WIF1: variants seen among roughly 807,000 people sequenced by gnomAD.
WIF1 encodes the protein Wnt inhibitory factor 1.
A neutral mutation model predicts 53.5 loss-of-function variants in WIF1; 35 were observed. The observed-to-expected ratio is 0.65, with a 90% CI of 0.50 to 0.87. WIF1 has a LOEUF of 0.87. Ranked by LOEUF, WIF1 falls within the 40% of genes least tolerant of loss-of-function variation. The pLI is 0.00. For synonymous variants in WIF1, 171 were observed against 170.4 expected, an observed-to-expected ratio of 1.00 and a Z score of -0.03; for missense variants, 467 against 476.8, an observed-to-expected ratio of 0.98 and a Z score of 0.19.
At chr12:65,105,685 A>T (rs1883341594) in intron 2 of WIF1, among the ~76,000 whole-genome samples, 1 of 152,164 alleles carries the variant, frequency 6.6e-6, no homozygotes, top group African/African-American at 2.4e-5. Context: ...AAACTAATCC[A>T]GTCTCACGAG....
In WIF1 at chr12:65,051,353, C is replaced by A. The variant is rs140474921; in HGVS notation, c.1136G>T (p.Trp379Leu). Reference sequence around the variant, plus strand: ...AAACGTTTCAGATGTCGGAGTTCACCAGATGTAATTGGATTCAGGTGGATC... The same window carrying A: ...AAACGTTTCAGATGTCGGAGTTCACAAGATGTAATTGGATTCAGGTGGATC... ...RRDPPESNYIW is the reference protein window; with the variant it reads ...RRDPPESNYIL The change falls in exon 10 of 10, where the codon TGG becomes TTG. Residue 379 changes from tryptophan (W) to leucine (L), a missense_variant. By Grantham distance (61) the Trp-to-Leu change is moderately conservative. Coordinates refer to ENST00000286574, the MANE Select transcript of WIF1 (RefSeq NM_007191.5). The A allele has an allele frequency of 1.0e-4, 166 of 1,612,500 alleles. No individual in the cohort carries two copies. The African/African-American group carries it at 1.8e-3, about 17-fold the overall frequency.
intron 6 of WIF1, among the ~76,000 whole-genome samples, chr12:65,066,118 G>A (rs930182501): frequency 2.6e-4 from 40 of 152,242 alleles, no homozygotes; most frequent in African/African-American, 8.4e-4. Flanking sequence ...TTGCACTCCC[G>A]TTATGTAATA....
rs1159600961 is a variant in WIF1 at position 65,094,836 on chromosome 12, G to A, written c.289-16982C>T. On this transcript the variant is annotated intron_variant, in intron 2 of 9. Coordinates refer to ENST00000286574, the MANE Select transcript of WIF1 (RefSeq NM_007191.5). ...CTTCCCTCCCACTCCCCACTCCATC[G>A]TCACCTTAGTGAGTTTTGTTACCTG... is the stretch of plus-strand genomic sequence containing the variant. Among the ~76,000 whole-genome samples the A allele has an allele frequency of 4.6e-5, 7 of 151,778 alleles. No individual in the cohort carries two copies. The East Asian group carries it at 7.7e-4, about 17-fold the overall frequency.
chr12:65,051,661 C>T (rs1031455497), intron 9 of WIF1, among the ~76,000 whole-genome samples, 191 bp from the exon 10 acceptor site: 2 of 152,156 alleles, frequency 1.3e-5, no homozygotes, highest in Non-Finnish European at 2.9e-5. Context: ...TCCATGAAAC[C>T]AGGTTTCCAT....
chr12:65,087,609 T>A (rs1320200915), intron 2 of WIF1, among the ~76,000 whole-genome samples: 2 of 152,128 alleles, frequency 1.3e-5, no homozygotes, highest in African/African-American at 4.8e-5. Flanking sequence ...CAGTATCAAC[T>A]TATTCTTTGA....
At chr12:65,075,023 A>C (rs1882840804) in intron 3 of WIF1, among the ~76,000 whole-genome samples, 1 of 151,966 alleles carries the variant, frequency 6.6e-6, no homozygotes, top group Non-Finnish European at 1.5e-5. Context: ...ATAGATACTC[A>C]CGTCCTTGGG....
At chr12:65,061,562 G>A (rs115029626) in intron 7 of WIF1, among the ~76,000 whole-genome samples, 2 of 152,178 alleles carry the variant, frequency 1.3e-5, no homozygotes, top group Non-Finnish European at 2.9e-5. Flanking sequence ...AAAGAGAGAG[G>A]CTACATGACT....
intron 7 of WIF1, among the ~76,000 whole-genome samples, chr12:65,057,930 T>C (rs1007697782): frequency 6.6e-6 from 1 of 152,216 alleles, no homozygotes. Flanking sequence ...TTAGTCATTG[T>C]GGAGACAATA....
Position 65,067,791 on chromosome 12 carries a change from C to T in WIF1, c.539-1G>A. On this transcript the variant is annotated splice_acceptor_variant, in intron 4 of 9. Transcript: ENST00000286574. LOFTEE classifies it high-confidence loss of function. ...TTTCGGCACCCGCCTGGGCACTCAG[C>T]TTCAGCAGAGAGAAACAAAGCTTAT... The T allele has an allele frequency of 6.2e-7, 1 of 1,612,888 alleles. No homozygotes were observed. Among genetic ancestry groups the T allele is most frequent in the Non-Finnish European group, 8.5e-7 (1 of 1,179,210 alleles).
At chr12:65,120,933 C>CTTTTGTGGAA in intron 1 of WIF1, 111 bp downstream of exon 1, 1 of 1,309,496 alleles carries the variant, frequency 7.6e-7, no homozygotes, top group Non-Finnish European at 9.9e-7. Flanking sequence ...GGGGAACACT[C>CTTTTGTGGAA]TTTTGTGGAA....
intron 7 of WIF1, 34 bp from the exon 8 acceptor site, chr12:65,056,160 C>G (rs374132736): frequency 4.4e-6 from 7 of 1,588,490 alleles, no homozygotes; most frequent in Admixed American, 1.7e-5. Context: ...AAACAAGGAA[C>G]CTGGTGCTTC....
chr12:65,111,390 T>C (rs1883429040), intron 2 of WIF1, among the ~76,000 whole-genome samples: 1 of 152,158 alleles, frequency 6.6e-6, no homozygotes, highest in South Asian at 2.1e-4. Context: ...CTTCACATGA[T>C]GGACAAAGCC....
intron 3 of WIF1, among the ~76,000 whole-genome samples, chr12:65,074,817 CAAA>C (rs758690202): frequency 5.4e-5 from 3 of 55,452 alleles, no homozygotes; most frequent in African/African-American, 2.1e-4. Context: ...CACTCTGTCT[CAAA>C]AAAAAAAAAA....
chr12:65,055,754 G>A (rs1211132331), intron 8 of WIF1, among the ~76,000 whole-genome samples: 6 of 152,230 alleles, frequency 3.9e-5, no homozygotes, highest in East Asian at 1.9e-4. Flanking sequence ...CAGCCTGGGC[G>A]ACAGAGAGAG....
chr12:65,066,514 C>T, intron 6 of WIF1, 127 bp downstream of exon 6: 1 of 656,058 alleles, frequency 1.5e-6, no homozygotes, highest in Non-Finnish European at 2.3e-6. Context: ...GTTACTATAG[C>T]AGCCATCTTT....
At chr12:65,086,476 C>T (rs1883039875) in intron 2 of WIF1, among the ~76,000 whole-genome samples, 1 of 152,098 alleles carries the variant, frequency 6.6e-6, no homozygotes, top group Non-Finnish European at 1.5e-5. Context: ...GTGTGGTTGA[C>T]ACTGTGGGGA....
Position 65,095,097 on chromosome 12 carries a change from T to G in WIF1, c.289-17243A>C, listed in dbSNP as rs1373659715. On this transcript the variant is annotated intron_variant, in intron 2 of 9. Transcript: ENST00000286574. Reference sequence around the variant, plus strand: ...ACAGGTGCATGCCACCACATCAGACTAATTTTTGTATTTTTTTTTTTTTGT... The same window carrying G: ...ACAGGTGCATGCCACCACATCAGACGAATTTTTGTATTTTTTTTTTTTTGT... Among the ~76,000 whole-genome samples the G allele has an allele frequency of 2.0e-5, 3 of 148,102 alleles. No homozygotes were observed. In the East Asian group the frequency reaches 6.2e-4, roughly 31 times the overall value.
chr12:65,096,546 A>C (rs934212111), intron 2 of WIF1, among the ~76,000 whole-genome samples: 5 of 152,190 alleles, frequency 3.3e-5, no homozygotes, highest in African/African-American at 1.2e-4. Flanking sequence ...AAATCATTCT[A>C]TTATAAAGAC....
chr12:65,060,990 T>G (rs1882602917), intron 7 of WIF1, among the ~76,000 whole-genome samples: 1 of 152,030 alleles, frequency 6.6e-6, no homozygotes, highest in Non-Finnish European at 1.5e-5. Context: ...CATATTTACA[T>G]GAAGGAAAAT....
Sources: allele counts gnomAD v4.1 joint callset (sites outside exome capture counted in the v4.1 genomes callset), GRCh38; gene constraint gnomAD v4.1.1; transcripts MANE v1.5; gene names NCBI Gene and HGNC (gene_info 2026-07-23, HGNC 2026-07-21).